Variants in DDX10 observed in about 807,000 individuals in gnomAD.
DDX10 encodes the protein DEAD-box helicase 10.
DDX10 carries 74 observed loss-of-function variants against 104.3 expected under a neutral mutation model. The ratio of observed to expected loss-of-function variants is 0.71; its 90% CI spans 0.59 to 0.86. The LOEUF (loss-of-function observed/expected upper bound fraction) is 0.86. Among genes scored for constraint, DDX10 ranks in the 40% least tolerant of loss-of-function variants. The pLI is 0.00. For missense variants in DDX10, 952 were observed against 1,040.0 expected (o/e 0.92, Z 1.16); for synonymous variants, 351 against 353.4 (o/e 0.99, Z 0.08).
chr11:108,795,778 T>C (rs999986804), intron 13 of DDX10, among the ~76,000 whole-genome samples: 6 of 152,144 alleles, frequency 3.9e-5, no homozygotes, highest in African/African-American at 1.4e-4. Flanking sequence ...TCTTTGCTAT[T>C]GTGAATAGTG....
In DDX10 at chr11:108,876,437, C is replaced by G. The variant is rs571924284; in HGVS notation, c.2304+24228C>G. Among the ~76,000 whole-genome samples, 54 of 152,152 alleles carry G rather than the reference C, an allele frequency of 3.5e-4. No individual in the cohort carries two copies. The South Asian group carries it at 0.011, about 30-fold the overall frequency. ...TATGCCACATCAGCAGACAAAATGG[C>G]GAGGGGCCTTTGGAGCCATGAGGTA... On this transcript the variant is annotated intron_variant, in intron 16 of 17. Coordinates refer to ENST00000322536, the MANE Select transcript of DDX10 (RefSeq NM_004398.4).
chr11:108,737,595 A>G (rs1392612843), intron 13 of DDX10, among the ~76,000 whole-genome samples: 1 of 152,228 alleles, frequency 6.6e-6, no homozygotes, highest in Non-Finnish European at 1.5e-5. Context: ...TCCCTGGACT[A>G]TATAAGAAGA....
At chr11:108,763,903 C>T (rs1011350924) in intron 13 of DDX10, among the ~76,000 whole-genome samples, 14 of 152,064 alleles carry the variant, frequency 9.2e-5, no homozygotes, top group Admixed American at 6.6e-5. Context: ...ATGCTGTGTT[C>T]TAACAGGTTT....
intron 16 of DDX10, among the ~76,000 whole-genome samples, chr11:108,862,933 A>C (rs1862959757): frequency 6.6e-6 from 1 of 152,222 alleles, no homozygotes; most frequent in Non-Finnish European, 1.5e-5. Context: ...TATAAATTGA[A>C]ATAGATGAAT....
chr11:108,927,580 G>T (rs1243449450), intron 17 of DDX10, among the ~76,000 whole-genome samples: 1 of 151,940 alleles, frequency 6.6e-6, no homozygotes, highest in East Asian at 1.9e-4. Context: ...TTTCCCAGAA[G>T]ATGTTTTTCT....
chr11:108,923,617 T>G (rs1198676588), intron 17 of DDX10, among the ~76,000 whole-genome samples: 2 of 152,252 alleles, frequency 1.3e-5, no homozygotes, highest in Non-Finnish European at 2.9e-5. Flanking sequence ...ATATCTTTCC[T>G]GCTTTCACAA....
At chr11:108,811,187 G>A (rs1481527024) in intron 13 of DDX10, among the ~76,000 whole-genome samples, 3 of 152,186 alleles carry the variant, frequency 2.0e-5, no homozygotes, top group African/African-American at 7.2e-5. Flanking sequence ...TACTGGGGAT[G>A]ACTTTATTGG....
intron 1 of DDX10, among the ~76,000 whole-genome samples, chr11:108,668,284 C>T (rs1424781765): frequency 6.6e-6 from 1 of 152,188 alleles, no homozygotes; most frequent in Non-Finnish European, 1.5e-5. Context: ...AAAAGGAGTT[C>T]TAAGCCAGGT....
chr11:108,852,008 A>T (rs1862799222), intron 15 of DDX10, 145 bp from the exon 16 acceptor site: 1 of 633,142 alleles, frequency 1.6e-6, no homozygotes, highest in Non-Finnish European at 2.7e-6. Flanking sequence ...ACTTGTGCCA[A>T]TCCCATAGTA....
intron 13 of DDX10, among the ~76,000 whole-genome samples, chr11:108,807,968 C>T (rs74997055): frequency 0.01 from 1,536 of 152,186 alleles, 22 homozygotes; most frequent in African/African-American, 0.035. Context: ...ATGGATGAAG[C>T]ATTGAGGCAC....
intron 16 of DDX10, among the ~76,000 whole-genome samples, chr11:108,866,566 G>A (rs140018159): frequency 6.6e-6 from 1 of 152,244 alleles, no homozygotes; most frequent in East Asian, 1.9e-4. Flanking sequence ...GATATTAGGA[G>A]AGATGAGCCA....
intron 13 of DDX10, among the ~76,000 whole-genome samples, chr11:108,792,275 T>A (rs1037770088): frequency 3.7e-4 from 56 of 152,192 alleles, no homozygotes; most frequent in African/African-American, 1.4e-3. Context: ...TTGATGGAAA[T>A]CCAGTTTATC....
chr11:108,773,520 T>A (rs2134529704), intron 13 of DDX10, among the ~76,000 whole-genome samples: 1 of 152,288 alleles, frequency 6.6e-6, no homozygotes, highest in Non-Finnish European at 1.5e-5. Context: ...GCCTTTTCTC[T>A]CCCTTTTCTG....
At chr11:108,882,160 T>C (rs1206791369) in intron 16 of DDX10, among the ~76,000 whole-genome samples, 1 of 152,168 alleles carries the variant, frequency 6.6e-6, no homozygotes, top group Non-Finnish European at 1.5e-5. Flanking sequence ...CTCCATAAAA[T>C]AGATTAGATA....
intron 13 of DDX10, among the ~76,000 whole-genome samples, chr11:108,731,014 T>C (rs989468700): frequency 2.6e-5 from 4 of 152,164 alleles, no homozygotes; most frequent in African/African-American, 9.7e-5. Flanking sequence ...GAGTTGAATT[T>C]CGTGGTTCTC....
At chr11:108,745,429 A>G (rs1336104694) in intron 13 of DDX10, among the ~76,000 whole-genome samples, 1 of 151,800 alleles carries the variant, frequency 6.6e-6, no homozygotes, top group Non-Finnish European at 1.5e-5. Context: ...TTTGGCAGAG[A>G]TGGGGTTTCA....
chr11:108,833,036 A>G (rs567594763), intron 13 of DDX10, among the ~76,000 whole-genome samples: 11 of 152,370 alleles, frequency 7.2e-5, no homozygotes, highest in Admixed American at 2.0e-4. Context: ...ATACATGTGC[A>G]TGTATTACCT....
chr11:108,871,095 A>G (rs918091190), intron 16 of DDX10, among the ~76,000 whole-genome samples: 1 of 152,228 alleles, frequency 6.6e-6, no homozygotes, highest in Non-Finnish European at 1.5e-5. Flanking sequence ...ATTAGCACAC[A>G]TGGACAATCT....
chr11:108,808,902 T>C lies in DDX10; in HGVS notation c.1966-29544T>C, dbSNP rs374950627. Among the ~76,000 whole-genome samples, 21 of 152,348 alleles carry C rather than the reference T, an allele frequency of 1.4e-4. No homozygotes were observed. The South Asian group carries it at 4.4e-3, about 32-fold the overall frequency. On this transcript the variant is annotated intron_variant, in intron 13 of 17. Coordinates refer to ENST00000322536, the MANE Select transcript of DDX10 (RefSeq NM_004398.4). The stretch of plus-strand genomic sequence containing the variant: ...CGTCCATGTGCTTGCAATTAGGGCA[T>C]GTACGTAGTTTTTATAATTGAACAT...
Sources: allele counts gnomAD v4.1 joint callset (sites outside exome capture counted in the v4.1 genomes callset), GRCh38; gene constraint gnomAD v4.1.1; transcripts MANE v1.5; gene names NCBI Gene and HGNC (gene_info 2026-07-23, HGNC 2026-07-21).